Variants in LBR observed in about 807,000 individuals in gnomAD.
The protein encoded by LBR is delta(14)-sterol reductase LBR.
A neutral mutation model predicts 74.3 loss-of-function variants in LBR; 28 were observed. The ratio of observed to expected loss-of-function variants is 0.38; its 90% CI spans 0.28 to 0.52. The LOEUF (loss-of-function observed/expected upper bound fraction) is 0.52. Among genes scored for constraint, LBR ranks in the 20% least tolerant of loss-of-function variants. The probability of loss-of-function intolerance (pLI) is 0.89; values close to 1 mark genes in which losing one functional copy is unlikely to be tolerated. For synonymous variants in LBR, 228 were observed against 269.3 expected (o/e 0.85, Z 1.50); for missense variants, 717 against 760.3 (o/e 0.94, Z 0.67).
At chr1:225,417,870 C>T (rs901673320) in intron 6 of LBR, 114 bp downstream of exon 6, 8 of 920,168 alleles carry the variant, frequency 8.7e-6, no homozygotes, top group East Asian at 5.3e-5. Context: ...GTGGTCCCAG[C>T]GACTCAGGAG....
intron 4 of LBR, 34 bp downstream of exon 4, chr1:225,419,681 A>G (rs2096124060): frequency 1.3e-6 from 2 of 1,520,536 alleles, no homozygotes; most frequent in African/African-American, 2.8e-5. Context: ...AAGAAAAAAA[A>G]AAACAACCAA....
At position 225,412,512 on chromosome 1, in the gene LBR, C is replaced by T; in HGVS notation, c.1026G>A (p.Val342=). The change falls in exon 8 of 14, where the codon GTG becomes GTA. Residue 342 remains valine, a synonymous_variant. Transcript: ENST00000272163. ...AATVFCVVLS[V]YLYMRSLKAP... ...CTTTCAAAGAGCGCATGTAGAGATA[C>T]ACACTCAAGACCACACAAAAAACAG... 6.2e-7 allele frequency: 1 copy of T among 1,614,142 alleles called. No individual in the cohort carries two copies.
intron 6 of LBR, among the ~76,000 whole-genome samples, chr1:225,416,667 G>A (rs1328822447): frequency 2.6e-5 from 4 of 152,120 alleles, no homozygotes; most frequent in East Asian, 1.9e-4. Flanking sequence ...TCAGCCCTCC[G>A]TATCGACGGG....
At chr1:225,406,443 T>C (rs1558649790) in intron 11 of LBR, 5 of 423,202 alleles carry the variant, frequency 1.2e-5, no homozygotes, top group African/African-American at 2.1e-5. Context: ...AAAAGCAAGA[T>C]GGTTTAAAAT....
intron 10 of LBR, among the ~76,000 whole-genome samples, chr1:225,408,818 C>T (rs1355608980): frequency 2.0e-5 from 3 of 152,184 alleles, no homozygotes; most frequent in African/African-American, 7.2e-5. Context: ...TTTCTTTTAA[C>T]ACAAGTCAAT....
chr1:225,401,694 T>C lies in LBR; in HGVS notation c.*1609A>G, dbSNP rs2096082215. ...CCTTCCTTCCTCCCCAAAAGCTTCC[T>C]TGGTGCAATCCAGTACAGAAAACGC... On this transcript the variant is annotated 3_prime_UTR_variant, in exon 14 of 14. Coordinates refer to ENST00000272163, the MANE Select transcript of LBR (RefSeq NM_002296.4). The C allele has an allele frequency of 1.3e-5, 2 of 152,222 alleles. No individual in the cohort carries two copies. The highest frequency in any genetic ancestry group is 2.4e-5 in the African/African-American group (1 of 41,454). The allele number at this position is 152,222 out of a possible 1,614,324, so 9.4% of individuals were successfully genotyped here.
At chr1:225,418,767 C>T (rs2096122143) in intron 5 of LBR, among the ~76,000 whole-genome samples, 1 of 152,190 alleles carries the variant, frequency 6.6e-6, no homozygotes, top group Non-Finnish European at 1.5e-5. Context: ...CAGTTCCACC[C>T]ACTTAGTAAC....
chr1:225,428,100 C>A (rs1303956553), upstream of LBR: 1 of 152,108 alleles, frequency 6.6e-6, no homozygotes, highest in Non-Finnish European at 1.5e-5. Flanking sequence ...CCCGGCCCCG[C>A]CTCGCGGCGC....
At chr1:225,421,589 A>G (rs1222514312) in intron 3 of LBR, among the ~76,000 whole-genome samples, 4 of 152,240 alleles carry the variant, frequency 2.6e-5, no homozygotes, top group Non-Finnish European at 5.9e-5. Context: ...TCTTTGGTCT[A>G]CTATCTAAAA....
chr1:225,404,626 G>A lies in LBR; in HGVS notation c.1564C>T (p.His522Tyr), dbSNP rs753611856. ...AATATAAACATAAATCAATACTTAC[G>A]TGCAAGCTTTGGATCACTGGGATTT... is the stretch of plus-strand genomic sequence containing the variant. ...RKNPSDPKLA[H>Y]LKTIHTSTGK... The change falls in exon 12 of 14, where the codon CAT becomes TAT. Residue 522 changes from histidine (H) to tyrosine (Y), a missense_variant and splice_region_variant. By Grantham distance (83) the His-to-Tyr change is moderately conservative. Transcript: ENST00000272163. The A allele has an allele frequency of 5.7e-5, 91 of 1,606,718 alleles. No individual in the cohort carries two copies. Among genetic ancestry groups the A allele is most frequent in the Non-Finnish European group, 7.3e-5 (86 of 1,175,022 alleles).
intron 9 of LBR, 43 bp from the exon 10 acceptor site, chr1:225,410,459 C>T: frequency 1.2e-6 from 2 of 1,607,238 alleles, no homozygotes; most frequent in Non-Finnish European, 1.7e-6. Context: ...AGCACCTCCC[C>T]AGAGACCTTA....
rs916115730 is a variant in LBR at position 225,411,184 on chromosome 1, C to A, written c.1188+153G>T. 2.6e-5 allele frequency among the ~76,000 whole-genome samples: 4 copies of A among 152,152 alleles called. No individual in the cohort carries two copies. The South Asian group carries it at 8.3e-4, about 32-fold the overall frequency. ...GGGCATCTTAAACCTCTGGAAAATA[C>A]TTACAAGAAAGTATTTTGATAGATT... On this transcript the variant is annotated intron_variant, in intron 9 of 13. Transcript: ENST00000272163.
At chr1:225,423,783 C>T in intron 2 of LBR, 128 bp downstream of exon 2, 1 of 893,748 alleles carries the variant, frequency 1.1e-6, no homozygotes, top group Non-Finnish European at 1.9e-6. Context: ...CAGTATGTGA[C>T]CCAAAGCAAG....
At position 225,411,366 on chromosome 1, in the gene LBR, A is replaced by G. The variant is rs1444402654; in HGVS notation, c.1159T>C (p.Cys387Arg). 2 of 1,614,076 alleles carry G rather than the reference A, an allele frequency of 1.2e-6. No individual in the cohort carries two copies. Among genetic ancestry groups the G allele is most frequent in the East Asian group, 2.2e-5 (1 of 44,888 alleles). Residue 387 changes from cysteine (C) to arginine (R), a missense_variant, in exon 9 of 14, where the codon TGT becomes CGT. Cys to Arg is a radical substitution (Grantham distance 180). Coordinates refer to ENST00000272163, the MANE Select transcript of LBR (RefSeq NM_002296.4). The stretch of plus-strand genomic sequence containing the variant: ...CCAATCAATCCGGGGCGCAATTCAC[A>G]AAAGTATTTGAGATCAAAAGTACCA... ...RIGTFDLKYFCELRPGLIGWV... is the reference protein window; with the variant it reads ...RIGTFDLKYFRELRPGLIGWV...
At chr1:225,416,596 A>G (rs2096117537) in intron 6 of LBR, among the ~76,000 whole-genome samples, 1 of 152,236 alleles carries the variant, frequency 6.6e-6, no homozygotes, top group Non-Finnish European at 1.5e-5. Flanking sequence ...TATCTATTAA[A>G]GGAGTCTAGT....
chr1:225,424,223 T>C (rs2096134702), intron 1 of LBR, 134 bp from the exon 2 acceptor site: 4 of 748,730 alleles, frequency 5.3e-6, no homozygotes, highest in Non-Finnish European at 9.5e-6. Context: ...AAAGGCTACA[T>C]TCAATCTCAT....
At chr1:225,424,712 C>G (rs1023559780) in intron 1 of LBR, among the ~76,000 whole-genome samples, 7 of 152,206 alleles carry the variant, frequency 4.6e-5, no homozygotes. Context: ...TCACTTCTCT[C>G]AAGCCTACAG....
At chr1:225,423,802 C>T in intron 2 of LBR, 109 bp downstream of exon 2, 2 of 1,037,244 alleles carry the variant, frequency 1.9e-6, no homozygotes, top group Non-Finnish European at 3.0e-6. Flanking sequence ...AGAGCTCAAT[C>T]CTCTGCCTTC....
At chr1:225,426,757 T>TTGCTCCGCGCCC (rs1251557612) in intron 1 of LBR, among the ~76,000 whole-genome samples, 14 of 152,192 alleles carry the variant, frequency 9.2e-5, no homozygotes, top group African/African-American at 3.1e-4. Context: ...ACCCCGGGCC[T>TTGCTCCGCGCCC]TGCTCCGCGC....
Sources: allele counts gnomAD v4.1 joint callset (sites outside exome capture counted in the v4.1 genomes callset), GRCh38; gene constraint gnomAD v4.1.1; transcripts MANE v1.5; gene names NCBI Gene and HGNC (gene_info 2026-07-23, HGNC 2026-07-21).